The following JAM3 variants were observed in gnomAD, a reference collection of about 807,000 sequenced individuals.
JAM3 encodes junctional adhesion molecule C.
A neutral mutation model predicts 39.4 loss-of-function variants in JAM3; 31 were observed. That is an observed-to-expected ratio of 0.79 (90% CI 0.59 to 1.06). The LOEUF is 1.06. JAM3 is among the 50% of genes least tolerant of loss of function. JAM3 has a pLI of 0.00. For synonymous variants in JAM3, 182 were observed against 148.7 expected (o/e 1.22, Z -1.63); for missense variants, 455 against 391.4 (o/e 1.16, Z -1.37).
intron 1 of JAM3, among the ~76,000 whole-genome samples, chr11:134,121,476 CTTTT>C (rs796353940): frequency 2.7e-5 from 4 of 145,736 alleles, no homozygotes; most frequent in South Asian, 2.2e-4. Context: ...CAGCTCCCTC[CTTTT>C]TTTTTTTGAG....
chr11:134,088,930 C>A (rs1218331082), intron 1 of JAM3, among the ~76,000 whole-genome samples: 1 of 152,194 alleles, frequency 6.6e-6, no homozygotes, highest in Non-Finnish European at 1.5e-5. Context: ...GCTGGGACTA[C>A]AGGCACTTGC....
chr11:134,107,651 A>G (rs1292588316), intron 1 of JAM3, among the ~76,000 whole-genome samples: 1 of 152,094 alleles, frequency 6.6e-6, no homozygotes, highest in Non-Finnish European at 1.5e-5. Flanking sequence ...CATCTACTTT[A>G]TGAAATTAGA....
chr11:134,119,857 C>G (rs1039587977), intron 1 of JAM3, among the ~76,000 whole-genome samples: 5 of 152,140 alleles, frequency 3.3e-5, no homozygotes, highest in Admixed American at 2.6e-4. Flanking sequence ...TCTTTTTGTA[C>G]TTTCATTTTC....
chr11:134,115,067 T>G (rs1440436308), intron 1 of JAM3, among the ~76,000 whole-genome samples: 1 of 152,232 alleles, frequency 6.6e-6, no homozygotes, highest in African/African-American at 2.4e-5. Context: ...GTTCTTTTGA[T>G]GAATTGACCT....
chr11:134,129,093 C>A (rs573090716), intron 1 of JAM3, among the ~76,000 whole-genome samples: 1 of 151,322 alleles, frequency 6.6e-6, no homozygotes, highest in South Asian at 2.1e-4. Flanking sequence ...TTCCCCTGTG[C>A]AGGCACATCC....
At chr11:134,132,173 A>T (rs1004492748) in intron 1 of JAM3, among the ~76,000 whole-genome samples, 1 of 152,232 alleles carries the variant, frequency 6.6e-6, no homozygotes, top group South Asian at 2.1e-4. Flanking sequence ...TCTTAAAAGC[A>T]CCCAGAGAGA....
At chr11:134,088,581 A>C (rs1941785378) in intron 1 of JAM3, among the ~76,000 whole-genome samples, 1 of 152,182 alleles carries the variant, frequency 6.6e-6, no homozygotes, top group African/African-American at 2.4e-5. Context: ...TAATGACAAG[A>C]TGCATTTAAA....
chr11:134,146,940 G>GGT (rs1158538348), intron 6 of JAM3, among the ~76,000 whole-genome samples: 1 of 152,144 alleles, frequency 6.6e-6, no homozygotes, highest in African/African-American at 2.4e-5. Flanking sequence ...AAAACTGCCT[G>GGT]GTGATACCCA....
intron 1 of JAM3, among the ~76,000 whole-genome samples, chr11:134,082,501 G>A (rs1460129931): frequency 6.6e-6 from 1 of 152,128 alleles, no homozygotes; most frequent in African/African-American, 2.4e-5. Flanking sequence ...GAATCATGGG[G>A]TGGGTCTTTC....
At chr11:134,070,664 T>G (rs915048200) in intron 1 of JAM3, among the ~76,000 whole-genome samples, 2 of 152,230 alleles carry the variant, frequency 1.3e-5, no homozygotes, top group African/African-American at 4.8e-5. Flanking sequence ...ATTCACAGCC[T>G]GGAACAACTC....
At chr11:134,134,397 C>CAAAA (rs1942823033) in intron 1 of JAM3, among the ~76,000 whole-genome samples, 1 of 19,862 alleles carries the variant, frequency 5.0e-5, no homozygotes, top group African/African-American at 2.2e-4. Flanking sequence ...AGGATAAATG[C>CAAAA]CAAAAAAAAA....
At chr11:134,124,169 A>G in intron 1 of JAM3, 1 of 1,459,380 alleles carries the variant, frequency 6.9e-7, no homozygotes, top group East Asian at 2.3e-5. Flanking sequence ...TTTCAACTGG[A>G]GCTTTATCAT....
chr11:134,146,253 TC>T (rs1943068701), intron 6 of JAM3, among the ~76,000 whole-genome samples: 1 of 152,132 alleles, frequency 6.6e-6, no homozygotes, highest in African/African-American at 2.4e-5. Flanking sequence ...AACAAAACCT[TC>T]TGGGATCTGC....
At chr11:134,074,551 C>G (rs1030870071) in intron 1 of JAM3, among the ~76,000 whole-genome samples, 4 of 152,150 alleles carry the variant, frequency 2.6e-5, no homozygotes, top group Admixed American at 2.6e-4. Context: ...TTAGTTGCCA[C>G]TGACTTTTGG....
At chr11:134,147,940 C>T (rs1057485136) in intron 6 of JAM3, 1 of 154,110 alleles carries the variant, frequency 6.5e-6, no homozygotes, top group African/African-American at 2.4e-5. Context: ...GCTGCCAGAG[C>T]CCCATATGAA....
At position 134,144,840 on chromosome 11, in the gene JAM3, G is replaced by A. The variant is rs752041838; in HGVS notation, c.458G>A (p.Gly153Asp). 6.2e-7 allele frequency: 1 copy of A among 1,614,194 alleles called. No homozygotes were observed. Among genetic ancestry groups the A allele is most frequent in the Non-Finnish European group, 8.5e-7 (1 of 1,180,038 alleles). ...VCRVPKAVPV[G>D]KMATLHCQES... ...AGAGTGCCGAAGGCTGTACCAGTAG[G>A]CAAGATGGCAACACTGCACTGCCAG... The change falls in exon 5 of 9, where the codon GGC becomes GAC. Residue 153 changes from glycine (G) to aspartate (D), a missense_variant. By Grantham distance (94) the Gly-to-Asp change is moderately conservative. Coordinates refer to ENST00000299106, the MANE Select transcript of JAM3 (RefSeq NM_032801.5).
chr11:134,133,635 C>G (rs1031415868), intron 1 of JAM3, among the ~76,000 whole-genome samples: 13 of 152,094 alleles, frequency 8.5e-5, no homozygotes, highest in Admixed American at 2.6e-4. Flanking sequence ...TTGTTAGGTA[C>G]TTAACTCCAG....
At chr11:134,144,000 GA>G (rs1433513593) in intron 3 of JAM3, among the ~76,000 whole-genome samples, 47 of 152,148 alleles carry the variant, frequency 3.1e-4, no homozygotes, top group Non-Finnish European at 4.4e-5. Flanking sequence ...TAATGACGGA[GA>G]CACATGGTAA....
chr11:134,135,915 A>C (rs1591803269), intron 1 of JAM3, among the ~76,000 whole-genome samples: 1 of 152,010 alleles, frequency 6.6e-6, no homozygotes, highest in African/African-American at 2.4e-5. Context: ...CTAAAAATGC[A>C]AAAAATTAGC....
Sources: allele counts gnomAD v4.1 joint callset (sites outside exome capture counted in the v4.1 genomes callset), GRCh38; gene constraint gnomAD v4.1.1; transcripts MANE v1.5; gene names NCBI Gene and HGNC (gene_info 2026-07-23, HGNC 2026-07-21).